The following ASIC2 variants were observed in gnomAD, a reference collection of about 807,000 sequenced individuals.
ASIC2 encodes the protein acid-sensing ion channel 2.
Under a neutral mutation model 57.3 loss-of-function variants are expected in ASIC2, and 25 were observed. The observed-to-expected ratio is 0.44, with a 90% confidence interval of 0.32 to 0.61. The LOEUF (loss-of-function observed/expected upper bound fraction) is 0.61. Ranked by LOEUF, ASIC2 falls within the 20% of genes least tolerant of loss-of-function variation. The pLI is 0.06. For missense variants in ASIC2, 641 were observed against 738.1 expected (o/e 0.87, Z 1.52); for synonymous variants, 319 against 307.5 (o/e 1.04, Z -0.39).
At chr17:33,680,618 A>G (rs1907971630) in intron 1 of ASIC2, 1 of 152,146 alleles carries the variant, frequency 6.6e-6, no homozygotes, top group East Asian at 1.9e-4. Context: ...CCAAAGCAAG[A>G]TCTCGTGCTA....
intron 1 of ASIC2, among the ~76,000 whole-genome samples, chr17:33,233,471 A>T (rs898725818): frequency 2.6e-5 from 4 of 151,756 alleles, no homozygotes; most frequent in African/African-American, 4.9e-5. Context: ...TCTTTCCAGA[A>T]TTTAAAAACT....
chr17:33,532,019 CT>C (rs1915067216), intron 1 of ASIC2, among the ~76,000 whole-genome samples: 1 of 152,114 alleles, frequency 6.6e-6, no homozygotes, highest in East Asian at 1.9e-4. Flanking sequence ...ACTTTCAGGT[CT>C]TTTTTATTGG....
At chr17:33,055,909 C>T (rs999947865) in intron 3 of ASIC2, among the ~76,000 whole-genome samples, 8 of 152,212 alleles carry the variant, frequency 5.3e-5, no homozygotes, top group Non-Finnish European at 1.0e-4. Flanking sequence ...CACTCTGCGT[C>T]AGAATCACCT....
chr17:33,428,942 T>A (rs1484264473), intron 1 of ASIC2, among the ~76,000 whole-genome samples: 1 of 152,214 alleles, frequency 6.6e-6, no homozygotes, highest in Non-Finnish European at 1.5e-5. Flanking sequence ...CTCGGCTGTC[T>A]CTTTGTACTC....
intron 1 of ASIC2, among the ~76,000 whole-genome samples, chr17:34,102,899 T>C: frequency 6.6e-6 from 1 of 152,232 alleles, no homozygotes; most frequent in East Asian, 1.9e-4. Context: ...TTTTCTCCAG[T>C]AATGGACAGG....
At chr17:33,676,238 T>C (rs1169056528) in intron 1 of ASIC2, among the ~76,000 whole-genome samples, 2 of 152,220 alleles carry the variant, frequency 1.3e-5, no homozygotes, top group Non-Finnish European at 2.9e-5. Flanking sequence ...ATATTAAAAT[T>C]AGGCCAATTA....
chr17:33,109,030 T>C (rs1386977593), intron 2 of ASIC2, among the ~76,000 whole-genome samples: 1 of 152,100 alleles, frequency 6.6e-6, no homozygotes, highest in Non-Finnish European at 1.5e-5. Context: ...AATGAAACTG[T>C]ATTAAAAATT....
chr17:33,741,044 G>A (rs1311870733), intron 1 of ASIC2, among the ~76,000 whole-genome samples: 1 of 152,162 alleles, frequency 6.6e-6, no homozygotes, highest in Non-Finnish European at 1.5e-5. Flanking sequence ...GCCAGGGAAG[G>A]TGCTTGCTCA....
At chr17:33,527,018 G>A (rs563894330) in intron 1 of ASIC2, among the ~76,000 whole-genome samples, 70 of 152,312 alleles carry the variant, frequency 4.6e-4, no homozygotes, top group African/African-American at 1.6e-3. Flanking sequence ...GTGATGCTGG[G>A]CTGGCTCAGG....
intron 1 of ASIC2, among the ~76,000 whole-genome samples, chr17:33,599,730 T>C (rs1347664594): frequency 6.6e-6 from 1 of 152,176 alleles, no homozygotes; most frequent in Non-Finnish European, 1.5e-5. Context: ...TGTTCTGTGC[T>C]GAGGAGACCT....
intron 1 of ASIC2, among the ~76,000 whole-genome samples, chr17:33,801,063 T>C (rs1912118980): frequency 6.6e-6 from 1 of 152,194 alleles, no homozygotes; most frequent in Non-Finnish European, 1.5e-5. Flanking sequence ...AGATTTGCAA[T>C]ACACTAGAAG....
intron 1 of ASIC2, among the ~76,000 whole-genome samples, chr17:33,547,944 C>G (rs748298587): frequency 3.9e-5 from 6 of 152,216 alleles, no homozygotes; most frequent in African/African-American, 7.2e-5. Context: ...AGAGGAATGA[C>G]AGATGGCAGC....
At chr17:33,162,285 C>T (rs1905184877) in intron 1 of ASIC2, among the ~76,000 whole-genome samples, 1 of 152,176 alleles carries the variant, frequency 6.6e-6, no homozygotes, top group Non-Finnish European at 1.5e-5. Flanking sequence ...TGCGGCCACC[C>T]TGTGAAGGTG....
At chr17:33,640,819 G>A (rs1906539668) in intron 1 of ASIC2, among the ~76,000 whole-genome samples, 1 of 152,188 alleles carries the variant, frequency 6.6e-6, no homozygotes, top group African/African-American at 2.4e-5. Flanking sequence ...TGCTGCCCCT[G>A]GCTGGCCTGC....
At chr17:34,044,745 G>A (rs776493439) in intron 1 of ASIC2, among the ~76,000 whole-genome samples, 8 of 152,172 alleles carry the variant, frequency 5.3e-5, no homozygotes, top group Non-Finnish European at 7.3e-5. Context: ...GATGAGTCCA[G>A]GAGCCCTGGT....
intron 1 of ASIC2, among the ~76,000 whole-genome samples, chr17:33,401,205 C>A (rs980901815): frequency 2.0e-5 from 3 of 152,200 alleles, no homozygotes; most frequent in Non-Finnish European, 4.4e-5. Context: ...ACATGCCTAA[C>A]TCCATAAGGC....
At chr17:33,317,777 A>G (rs10459963) in intron 1 of ASIC2, among the ~76,000 whole-genome samples, 35,401 of 152,018 alleles carry the variant, frequency 0.23, 4,630 homozygotes, top group East Asian at 0.37. Flanking sequence ...GGCTCTCAGA[A>G]CAAGAGAAAA....
chr17:33,765,825 C>G lies in ASIC2; in HGVS notation c.555+390153G>C, dbSNP rs531666879. Among the ~76,000 whole-genome samples the G allele has an allele frequency of 2.6e-5, 4 of 152,324 alleles. No homozygotes were observed. In the South Asian group the frequency reaches 6.2e-4, roughly 24 times the overall value. On this transcript the variant is annotated intron_variant, in intron 1 of 9. Transcript: ENST00000359872. ...ATGGGATTCTTCCTTTAGGCACATT[C>G]GTGAGGTCTTTGGCGTCCCTTCCCG... is the stretch of plus-strand genomic sequence containing the variant.
At chr17:33,228,548 T>C (rs764641756) in intron 1 of ASIC2, among the ~76,000 whole-genome samples, 9 of 152,178 alleles carry the variant, frequency 5.9e-5, no homozygotes, top group African/African-American at 1.2e-4. Context: ...AGCCACACAA[T>C]ATGTCTCCCA....
Sources: allele counts gnomAD v4.1 joint callset (sites outside exome capture counted in the v4.1 genomes callset), GRCh38; gene constraint gnomAD v4.1.1; transcripts MANE v1.5; gene names NCBI Gene and HGNC (gene_info 2026-07-23, HGNC 2026-07-21).